Variants in UBR4 observed in about 807,000 individuals in gnomAD.
UBR4 encodes the protein ubiquitin protein ligase E3 component n-recognin 4, also known as E3 ubiquitin-protein ligase UBR4.
Under a neutral mutation model 575.6 loss-of-function variants are expected in UBR4, and 124 were observed. The ratio of observed to expected loss-of-function variants is 0.22; its 90% CI spans 0.19 to 0.25. The LOEUF (loss-of-function observed/expected upper bound fraction) is 0.25. Among genes scored for constraint, UBR4 ranks in the 10% least tolerant of loss-of-function variants. The pLI, the probability that UBR4 is intolerant of heterozygous loss-of-function variation, is 1.00. For missense variants in UBR4, 4,818 were observed against 6,478.8 expected (o/e 0.74, Z 8.80); for synonymous variants, 2,455 against 2,473.7 (o/e 0.99, Z 0.22).
chr1:19,151,496 T>A lies in UBR4; in HGVS notation c.7213+147A>T, dbSNP rs774369183. 4.7e-6 allele frequency: 4 copies of A among 844,772 alleles called. No individual in the cohort carries two copies. In the African/African-American group the frequency reaches 6.8e-5, roughly 14 times the overall value. 52.3% of individuals were successfully genotyped at this position (844,772 alleles called of 1,614,324 possible). On this transcript the variant is annotated intron_variant, in intron 48 of 105. Transcript: ENST00000375254. ...CCTGTCACCTTGCCTCTTTAATACA[T>A]CAAATGAAGCTCAAAGTTTCCTGAT...
intron 11 of UBR4, among the ~76,000 whole-genome samples, chr1:19,190,308 A>ATATATATAT (rs1419232433): frequency 4.8e-5 from 4 of 83,920 alleles, no homozygotes; most frequent in African/African-American, 9.2e-5. Context: ...AAAAAAAAAA[A>ATATATATAT]AAAAATATAT....
Position 19,150,665 on chromosome 1 carries a change from T to C in UBR4, c.7342A>G (p.Ile2448Val), listed in dbSNP as rs373367956. 1.9e-6 allele frequency: 3 copies of C among 1,614,014 alleles called. No individual in the cohort carries two copies. The highest frequency in any genetic ancestry group is 2.7e-5 in the African/African-American group (2 of 74,906). ...EEFPSASVSNICPSNLNQSNG... is the reference protein window; with the variant it reads ...EEFPSASVSNVCPSNLNQSNG... ...CTCTGGTTCAGATTTGAAGGGCAGA[T>C]GTTGCTGACAGAGGCAGAAGGGAAT... Residue 2448 changes from isoleucine to valine, a missense_variant, in exon 49 of 106, where the codon ATC becomes GTC. Ile to Val is a conservative substitution (Grantham distance 29, BLOSUM62 3). Around this residue, in one of 29 missense-constraint regions of UBR4, gnomAD observed 340 missense variants for 375.4 expected, o/e 0.91. Coordinates refer to ENST00000375254, the MANE Select transcript of UBR4 (RefSeq NM_020765.3).
chr1:19,100,382 G>A lies in UBR4; in HGVS notation c.13215C>T (p.Gly4405=). 6.2e-7 allele frequency: 1 copy of A among 1,614,116 alleles called. No homozygotes were observed. Among genetic ancestry groups the A allele is most frequent in the Non-Finnish European group, 8.5e-7 (1 of 1,180,018 alleles). ...DLVALLEDDS[G]MELLVNNKII... is the part of the protein sequence containing the mutation. ...ACTGTCCTATGGTCATTACCTCCAT[G>A]CCACTGTCATCTTCCAGGAGGGCCA... The change falls in exon 89 of 106, where the codon GGC becomes GGT. Residue 4405 remains glycine, a synonymous_variant. Transcript: ENST00000375254. This position sits in a 1 kb window ranked among gnomAD's most constrained non-coding sequence, Gnocchi z 4.2.
chr1:19,134,958 G>A (rs1008555272), intron 60 of UBR4, among the ~76,000 whole-genome samples: 1 of 152,116 alleles, frequency 6.6e-6, no homozygotes. Flanking sequence ...CCAGTTTATA[G>A]GTTTTTTTTT....
At chr1:19,138,225 A>T in intron 59 of UBR4, 44 bp from the exon 60 acceptor site, 1 of 1,458,544 alleles carries the variant, frequency 6.9e-7, no homozygotes. Flanking sequence ...CTCCCAAAGC[A>T]TGAAGGAACC....
At position 19,164,373 on chromosome 1, in the gene UBR4, G is replaced by A. The variant is rs1201191469; in HGVS notation, c.4580C>T (p.Ala1527Val). 1 of 1,614,172 alleles carries A rather than the reference G, an allele frequency of 6.2e-7. No individual in the cohort carries two copies. Among genetic ancestry groups the A allele is most frequent in the Non-Finnish European group, 8.5e-7 (1 of 1,180,022 alleles). ...AGGGAAGCCAGTCCCATCACCGTTGGCCAGCATCTCTGTTGCCATGGGAGT... is the reference window on the plus strand; with the variant it reads ...AGGGAAGCCAGTCCCATCACCGTTGACCAGCATCTCTGTTGCCATGGGAGT... Reference protein sequence around the residue: ...TLTPMATEMLANGDGTGFPEL... With the variant: ...TLTPMATEMLVNGDGTGFPEL... The change falls in exon 33 of 106, where the codon GCC (alanine) becomes GTC (valine). Residue 1527 changes from alanine (A) to valine (V), a missense_variant. Ala to Val is a moderately conservative substitution (Grantham distance 64). This residue lies in a region of UBR4 where 1,172 missense variants were observed against 1,259.7 expected (regional missense o/e 0.93). Coordinates refer to ENST00000375254, the MANE Select transcript of UBR4 (RefSeq NM_020765.3).
At position 19,112,570 on chromosome 1, in the gene UBR4, C is replaced by A. The variant is rs1371743036; in HGVS notation, c.11755G>T (p.Ala3919Ser). 1.2e-6 allele frequency: 2 copies of A among 1,613,994 alleles called. No individual in the cohort carries two copies. Among genetic ancestry groups the A allele is most frequent in the Non-Finnish European group, 1.7e-6 (2 of 1,179,960 alleles). The change falls in exon 78 of 106, where the codon GCG becomes TCG. Residue 3919 changes from alanine (A) to serine (S), a missense_variant. Physicochemically the swap from Ala to Ser is moderately conservative, Grantham distance 99. Coordinates refer to ENST00000375254, the MANE Select transcript of UBR4 (RefSeq NM_020765.3). ...LFDYNLRRGA[A>S]AMREEVRQLM... is the part of the protein sequence containing the mutation. ...TGGCGGACCTCCTCCCGCATGGCCGCAGCCCCTCGGCGAAGATTATAATCA... is the reference window on the plus strand; with the variant it reads ...TGGCGGACCTCCTCCCGCATGGCCGAAGCCCCTCGGCGAAGATTATAATCA...
rs754728415 is a variant in UBR4, at chr1:19,128,138, T to C, written c.9111+73A>G. The C allele has an allele frequency of 3.6e-4, 511 of 1,428,810 alleles. 2 individuals carry two copies. The highest frequency in any genetic ancestry group is 4.6e-4 in the Non-Finnish European group (464 of 1,013,600). The allele number at this position is 1,428,810 out of a possible 1,614,324, so 88.5% of individuals were successfully genotyped here. On this transcript the variant is annotated intron_variant, in intron 62 of 105. Coordinates refer to ENST00000375254, the MANE Select transcript of UBR4 (RefSeq NM_020765.3). ...CTTGAAACGAGGTGAAGTTCCTCTA[T>C]GAAACGAATGGGAACCTGAGAAAGG...
intron 60 of UBR4, among the ~76,000 whole-genome samples, chr1:19,133,353 T>G (rs912963637): frequency 6.6e-6 from 1 of 152,210 alleles, no homozygotes; most frequent in African/African-American, 2.4e-5. Flanking sequence ...AAAACCCATT[T>G]AAGATAAAAA....
intron 38 of UBR4, 74 bp downstream of exon 38, chr1:19,160,843 C>A: frequency 7.1e-7 from 1 of 1,400,266 alleles, no homozygotes; most frequent in Non-Finnish European, 1.0e-6. Context: ...GAGCCATGTG[C>A]ATTATTTACT....
intron 18 of UBR4, among the ~76,000 whole-genome samples, chr1:19,178,288 G>A (rs1367540225): frequency 6.6e-6 from 1 of 152,222 alleles, no homozygotes; most frequent in Non-Finnish European, 1.5e-5. Context: ...TGTCAGAAGA[G>A]CTTTAATGCA....
At chr1:19,162,072 G>A (rs1302759936) in intron 35 of UBR4, among the ~76,000 whole-genome samples, 175 bp from the exon 36 acceptor site, 1 of 152,172 alleles carries the variant, frequency 6.6e-6, no homozygotes, top group Admixed American at 6.5e-5. Context: ...GTTACTTCAG[G>A]TGAGTGAGAT....
At position 19,076,883 on chromosome 1, in the gene UBR4, G is replaced by A. The variant is rs373190006; in HGVS notation, c.15344C>T (p.Thr5115Ile). The change falls in exon 105 of 106, where the codon ACA becomes ATA. Residue 5115 changes from threonine to isoleucine, a missense_variant. Coordinates refer to ENST00000375254, the MANE Select transcript of UBR4 (RefSeq NM_020765.3). ...NMFKKVPTSNTEGGWSCSLAE... is the reference protein window; with the variant it reads ...NMFKKVPTSNIEGGWSCSLAE... ...GAGAGAGCAGGACCAGCCTCCCTCTGTGTTACTGGTAGGCACCTTCTACGA... is the reference window on the plus strand; with the variant it reads ...GAGAGAGCAGGACCAGCCTCCCTCTATGTTACTGGTAGGCACCTTCTACGA... 1.3e-4 allele frequency: 203 copies of A among 1,578,678 alleles called. No homozygotes were observed. Among genetic ancestry groups the A allele is most frequent in the Non-Finnish European group, 1.7e-4 (199 of 1,164,422 alleles).
chr1:19,155,203 G>A, intron 43 of UBR4, 128 bp from the exon 44 acceptor site: 2 of 1,330,714 alleles, frequency 1.5e-6, no homozygotes, highest in South Asian at 2.8e-5. Flanking sequence ...ATCCCTGTGG[G>A]TAAATCTTAC....
intron 17 of UBR4, among the ~76,000 whole-genome samples, chr1:19,183,319 T>A (rs888774889): frequency 2.0e-5 from 3 of 152,188 alleles, no homozygotes; most frequent in Non-Finnish European, 4.4e-5. Context: ...ATAAAAGACA[T>A]ATTTTTTTTT....
intron 91 of UBR4, 117 bp from the exon 92 acceptor site, chr1:19,096,767 C>T (rs931230058): frequency 1.4e-6 from 2 of 1,411,284 alleles, no homozygotes; most frequent in Admixed American, 4.5e-5. Context: ...TTCCGTATCT[C>T]CAATAAAGAC....
Position 19,175,052 on chromosome 1 carries a change from AT to A in UBR4, c.2774-20del, listed in dbSNP as rs1476024101. On this transcript the variant is annotated intron_variant, in intron 20 of 105. Coordinates refer to ENST00000375254, the MANE Select transcript of UBR4 (RefSeq NM_020765.3). ...ACAGCATCTGAAAAGTAATATGCTG[AT>A]TAAAAGAATGGTTCCATTCTTAACT... 2 of 1,599,802 alleles carry A rather than the reference AT, an allele frequency of 1.3e-6. No homozygotes were observed. The highest frequency in any genetic ancestry group is 1.1e-5 in the South Asian group (1 of 90,062).
intron 60 of UBR4, among the ~76,000 whole-genome samples, chr1:19,131,053 C>T (rs797000568): frequency 5.9e-5 from 9 of 151,856 alleles, no homozygotes; most frequent in African/African-American, 1.9e-4. Context: ...GTACCACTGG[C>T]GCATGCCATC....
intron 28 of UBR4, 65 bp downstream of exon 28, chr1:19,167,962 T>C: frequency 7.0e-7 from 1 of 1,437,958 alleles, no homozygotes; most frequent in Non-Finnish European, 9.2e-7. Context: ...AAACTCTCAC[T>C]GTCCCTCTTT....
Sources: allele counts gnomAD v4.1 joint callset (sites outside exome capture counted in the v4.1 genomes callset), GRCh38; gene constraint gnomAD v4.1.1; regional missense constraint gnomAD v4.1.1; non-coding constraint Gnocchi (gnomAD v3.1); transcripts MANE v1.5; gene names NCBI Gene and HGNC (gene_info 2026-07-23, HGNC 2026-07-21).